The following NT5C2 variants were observed in gnomAD, a reference collection of about 807,000 sequenced individuals.
NT5C2 encodes 5'-nucleotidase, cytosolic II, also known as cytosolic purine 5'-nucleotidase.
In NT5C2, 58 loss-of-function variants were observed where a neutral mutation model predicts 76.1. That is an observed-to-expected ratio of 0.76 (90% CI 0.62 to 0.95). The LOEUF is 0.95. NT5C2 is among the 40% of genes least tolerant of loss of function. The pLI is 0.00. For synonymous variants in NT5C2, 229 were observed against 237.4 expected, an observed-to-expected ratio of 0.96 and a Z score of 0.32; for missense variants, 478 against 690.3, an observed-to-expected ratio of 0.69 and a Z score of 3.45.
intron 4 of NT5C2, among the ~76,000 whole-genome samples, chr10:103,135,681 A>T (rs1046018445): frequency 6.6e-6 from 1 of 152,046 alleles, no homozygotes; most frequent in Non-Finnish European, 1.5e-5. Flanking sequence ...CCAGCTACTC[A>T]GGAGGCTGAG....
At chr10:103,146,857 ATTAATTGCT>A (rs1377752248) in intron 3 of NT5C2, among the ~76,000 whole-genome samples, 1 of 152,238 alleles carries the variant, frequency 6.6e-6, no homozygotes, top group African/African-American at 2.4e-5. Context: ...CTAATGCCAA[ATTAATTGCT>A]TTGAAGTAGT....
intron 3 of NT5C2, among the ~76,000 whole-genome samples, chr10:103,149,088 CA>C (rs2081993744): frequency 6.6e-6 from 1 of 152,126 alleles, no homozygotes; most frequent in East Asian, 1.9e-4. Flanking sequence ...AGAATTTGAA[CA>C]AGTCAGTCAT....
intron 4 of NT5C2, among the ~76,000 whole-genome samples, chr10:103,129,051 A>C (rs2077335430): frequency 8.4e-6 from 1 of 118,388 alleles, no homozygotes. Flanking sequence ...CCGACCGGCC[A>C]GCCGTGCCAT....
intron 4 of NT5C2, among the ~76,000 whole-genome samples, chr10:103,124,506 T>G (rs550950589): frequency 6.6e-6 from 1 of 152,294 alleles, no homozygotes; most frequent in South Asian, 2.1e-4. Flanking sequence ...TCAGATTTTT[T>G]CCCTTTCAGC....
intron 4 of NT5C2, among the ~76,000 whole-genome samples, chr10:103,129,294 GAGGT>G (rs2077440165): frequency 1.7e-5 from 2 of 120,174 alleles, no homozygotes; most frequent in Non-Finnish European, 1.8e-5. Context: ...GTCCGGGAGG[GAGGT>G]GGGGGGGTCA....
intron 1 of NT5C2, among the ~76,000 whole-genome samples, chr10:103,190,516 ACTT>A (rs1341071120): frequency 3.3e-5 from 5 of 152,198 alleles, no homozygotes; most frequent in African/African-American, 4.8e-5. Flanking sequence ...TGCCAGTATC[ACTT>A]CAACTGAATT....
intron 4 of NT5C2, among the ~76,000 whole-genome samples, chr10:103,113,761 A>G (rs2073641875): frequency 6.6e-6 from 1 of 152,230 alleles, no homozygotes; most frequent in Non-Finnish European, 1.5e-5. Context: ...AGAGAGACAA[A>G]AAGAGGACCA....
intron 4 of NT5C2, among the ~76,000 whole-genome samples, chr10:103,107,285 C>T (rs1366441629): frequency 6.6e-6 from 1 of 152,100 alleles, no homozygotes; most frequent in Non-Finnish European, 1.5e-5. Flanking sequence ...CAATGTATGC[C>T]ATCAAAATTG....
chr10:103,125,411 C>A, intron 4 of NT5C2: 1 of 280,962 alleles, frequency 3.6e-6, no homozygotes, highest in Non-Finnish European at 6.8e-6. Flanking sequence ...CGTTCATGTG[C>A]ACCATTGTGG....
intron 4 of NT5C2, among the ~76,000 whole-genome samples, chr10:103,133,181 G>C (rs2078550667): frequency 6.6e-6 from 1 of 152,146 alleles, no homozygotes; most frequent in Non-Finnish European, 1.5e-5. Context: ...CTCTTCTCTT[G>C]TCTGCTGCCA....
chr10:103,093,464 C>G (rs570951861), intron 14 of NT5C2, among the ~76,000 whole-genome samples, 155 bp from the exon 15 acceptor site: 1 of 152,246 alleles, frequency 6.6e-6, no homozygotes, highest in Admixed American at 6.5e-5. Flanking sequence ...TTTTTACTGC[C>G]TTCTAAGACA....
At chr10:103,167,050 C>T (rs1285289159) in intron 3 of NT5C2, among the ~76,000 whole-genome samples, 2 of 148,622 alleles carry the variant, frequency 1.3e-5, no homozygotes, top group Non-Finnish European at 3.0e-5. Context: ...CAGTCTCGCT[C>T]TGTCACCCAG....
intron 4 of NT5C2, among the ~76,000 whole-genome samples, chr10:103,132,194 T>C (rs1005183792): frequency 1.3e-5 from 2 of 150,358 alleles, no homozygotes; most frequent in Non-Finnish European, 2.9e-5. Flanking sequence ...GAGCCAAGAC[T>C]GCACTATTGC....
chr10:103,151,062 A>G (rs1233025203), intron 3 of NT5C2, among the ~76,000 whole-genome samples: 1 of 152,206 alleles, frequency 6.6e-6, no homozygotes, highest in African/African-American at 2.4e-5. Flanking sequence ...ATTCAGGTCT[A>G]TGATCCATTT....
chr10:103,172,020 GC>G (rs1340787988), intron 3 of NT5C2, among the ~76,000 whole-genome samples: 1 of 151,934 alleles, frequency 6.6e-6, no homozygotes, highest in Admixed American at 6.6e-5. Flanking sequence ...GACCAGCCTG[GC>G]AAACACGGTG....
In NT5C2 at chr10:103,116,490, T is replaced by TA. The variant is rs1228346462; in HGVS notation, c.176-9785dup. Among the ~76,000 whole-genome samples the TA allele has an allele frequency of 1.7e-4, 26 of 152,256 alleles. No individual in the cohort carries two copies. In the South Asian group the frequency reaches 3.1e-3, roughly 18 times the overall value. ...TTACTGCTTAAATTTCCTCCCCACTTAGAGGTCCATGCAATACTCGAAGTC... is the reference window on the plus strand; with the variant it reads ...TTACTGCTTAAATTTCCTCCCCACTTAAGAGGTCCATGCAATACTCGAAGTC... On this transcript the variant is annotated intron_variant, in intron 4 of 18. Coordinates refer to ENST00000404739, the MANE Select transcript of NT5C2 (RefSeq NM_001351169.2).
At chr10:103,157,560 T>C (rs2083697073) in intron 3 of NT5C2, among the ~76,000 whole-genome samples, 1 of 152,134 alleles carries the variant, frequency 6.6e-6, no homozygotes, top group African/African-American at 2.4e-5. Flanking sequence ...CATATAAAAA[T>C]GCATACCCAG....
At chr10:103,096,346 C>T (rs1311752596) in intron 11 of NT5C2, among the ~76,000 whole-genome samples, 1 of 152,168 alleles carries the variant, frequency 6.6e-6, no homozygotes, top group Non-Finnish European at 1.5e-5. Context: ...CCAACTAAGT[C>T]AACAAACCAA....
chr10:103,095,549 A>G lies in NT5C2; in HGVS notation c.813+390T>C, dbSNP rs190860518. ...AGCAACAACTAATACAAAATCTAGA[A>G]GTTGTCAAGAATACACATACATTTT... On this transcript the variant is annotated intron_variant, in intron 12 of 18. Transcript: ENST00000404739. Among the ~76,000 whole-genome samples, 114 of 152,350 alleles carry G rather than the reference A, an allele frequency of 7.5e-4. 1 individual carries two copies. Among genetic ancestry groups the G allele is most frequent in the African/African-American group, 2.7e-3 (111 of 41,588 alleles).
Sources: allele counts gnomAD v4.1 joint callset (sites outside exome capture counted in the v4.1 genomes callset), GRCh38; gene constraint gnomAD v4.1.1; transcripts MANE v1.5; gene names NCBI Gene and HGNC (gene_info 2026-07-23, HGNC 2026-07-21).